Variants in DHX29 observed in about 807,000 individuals in gnomAD.
The protein encoded by DHX29 is ATP-dependent RNA helicase DHX29.
DHX29 carries 79 observed loss-of-function variants against 167.9 expected under a neutral mutation model. That is an observed-to-expected ratio of 0.47 (90% CI 0.39 to 0.57). The LOEUF is 0.57. Ranked by LOEUF, DHX29 falls within the 20% of genes least tolerant of loss-of-function variation. The pLI, the probability that DHX29 is intolerant of heterozygous loss-of-function variation, is 0.00. For synonymous variants in DHX29, 530 were observed against 546.0 expected (o/e 0.97, Z 0.41); for missense variants, 1,347 against 1,593.4 (o/e 0.85, Z 2.63).
chr5:55,256,599 G>T, intron 26 of DHX29, 59 bp from the exon 27 acceptor site: 2 of 1,498,728 alleles, frequency 1.3e-6, no homozygotes. Flanking sequence ...ATTTTCCAAG[G>T]TATGCACATG....
intron 8 of DHX29, among the ~76,000 whole-genome samples, chr5:55,287,326 G>A (rs1020422255): frequency 7.2e-5 from 11 of 151,798 alleles, no homozygotes; most frequent in South Asian, 2.1e-4. Context: ...CTGTAATCCC[G>A]GCTACTTGGG....
At chr5:55,304,514 G>A (rs1171271775) in intron 1 of DHX29, among the ~76,000 whole-genome samples, 1 of 151,332 alleles carries the variant, frequency 6.6e-6, no homozygotes, top group African/African-American at 2.4e-5. Context: ...GGGTTTCACC[G>A]TGGTCTCAAT....
intron 1 of DHX29, among the ~76,000 whole-genome samples, chr5:55,304,803 G>A (rs1227993971): frequency 1.3e-5 from 2 of 152,144 alleles, no homozygotes; most frequent in South Asian, 2.1e-4. Context: ...CAGCTGTGCC[G>A]TCAAATTGGA....
At chr5:55,306,660 C>T (rs1748880025) in intron 1 of DHX29, among the ~76,000 whole-genome samples, 1 of 152,172 alleles carries the variant, frequency 6.6e-6, no homozygotes, top group African/African-American at 2.4e-5. Flanking sequence ...CATATATACA[C>T]ATAAATGCTC....
rs200729647 is a variant in DHX29, at chr5:55,277,175, G to A, written c.2217C>T (p.Ser739=). The change falls in exon 13 of 27, where the codon AGC becomes AGT. Residue 739 remains serine (S), a synonymous_variant. Coordinates refer to ENST00000251636, the MANE Select transcript of DHX29 (RefSeq NM_019030.4). Reference sequence around the variant, plus strand: ...GTGTGAAATATGTAGAAAATTTTTCGCTGTCCACAGTGGCACTCATTAGAA... The same window carrying A: ...GTGTGAAATATGTAGAAAATTTTTCACTGTCCACAGTGGCACTCATTAGAA... ...HLILMSATVD[S]EKFSTYFTHC... is the part of the protein sequence containing the mutation. The A allele has an allele frequency of 1.5e-4, 247 of 1,612,206 alleles. No homozygotes were observed. The East Asian group carries it at 4.0e-3, about 26-fold the overall frequency.
chr5:55,262,517 T>C (rs1746357437), intron 24 of DHX29, 113 bp downstream of exon 24: 2 of 1,340,982 alleles, frequency 1.5e-6, no homozygotes, highest in African/African-American at 1.5e-5. Flanking sequence ...TTAACAAAAA[T>C]GAATAGCTCA....
chr5:55,283,509 A>G lies in DHX29; in HGVS notation c.1659T>C (p.Phe553=), dbSNP rs893766438. 4 of 1,614,062 alleles carry G rather than the reference A, an allele frequency of 2.5e-6. No homozygotes were observed. The African/African-American group carries it at 5.3e-5, about 22-fold the overall frequency. The part of the protein sequence containing the change: ...VEDLEPVRNL[F]RKLQSTPKYQ... ...ACTTAGGTGTGCTTTGCAACTTTCTAAAGAGGTTTCTAACAGGTTCCAAAT... is the reference window on the plus strand; with the variant it reads ...ACTTAGGTGTGCTTTGCAACTTTCTGAAGAGGTTTCTAACAGGTTCCAAAT... The change falls in exon 11 of 27, where the codon TTT becomes TTC. Residue 553 remains phenylalanine (F), a synonymous_variant. Coordinates refer to ENST00000251636, the MANE Select transcript of DHX29 (RefSeq NM_019030.4).
At position 55,274,966 on chromosome 5, in the gene DHX29, T is replaced by C. The variant is rs201572355; in HGVS notation, c.2472A>G (p.Pro824=). 6 of 1,613,892 alleles carry C rather than the reference T, an allele frequency of 3.7e-6. No homozygotes were observed. The East Asian group carries it at 1.3e-4, about 36-fold the overall frequency. ...VQTGAHADLN[P]FYQKYSSRTQ... ...TGCGGCTGCTGTACTTTTGGTAAAA[T>C]GGATTTAAATCAGCATGTGCTCCAG... The change falls in exon 15 of 27, where the codon CCA becomes CCG. Residue 824 remains proline (P), a synonymous_variant. Transcript: ENST00000251636.
chr5:55,257,929 C>G (rs759468456), intron 26 of DHX29, among the ~76,000 whole-genome samples: 3 of 152,174 alleles, frequency 2.0e-5, no homozygotes, highest in African/African-American at 7.2e-5. Flanking sequence ...AAAGAGCCCA[C>G]GTCTTAATAT....
chr5:55,304,781 G>A (rs1212342504), intron 1 of DHX29, among the ~76,000 whole-genome samples: 1 of 152,098 alleles, frequency 6.6e-6, no homozygotes, highest in Non-Finnish European at 1.5e-5. Flanking sequence ...TACGATAGAG[G>A]ACAATTTTGA....
At chr5:55,284,841 A>C (rs893369095) in intron 10 of DHX29, among the ~76,000 whole-genome samples, 3 of 152,174 alleles carry the variant, frequency 2.0e-5, no homozygotes, top group Non-Finnish European at 4.4e-5. Context: ...TCAGCCTGGG[A>C]AATATAGTGA....
At chr5:55,270,178 G>A (rs1451410304) in intron 20 of DHX29, among the ~76,000 whole-genome samples, 1 of 152,022 alleles carries the variant, frequency 6.6e-6, no homozygotes, top group Non-Finnish European at 1.5e-5. Context: ...AGTGCCCCCA[G>A]TTGAGAACTA....
At chr5:55,259,720 G>A (rs1244208324) in intron 26 of DHX29, 128 bp downstream of exon 26, 2 of 509,886 alleles carry the variant, frequency 3.9e-6, no homozygotes, top group Non-Finnish European at 7.3e-6. Context: ...CCTCCCAGAA[G>A]TGCTGGGATT....
At chr5:55,287,377 G>A (rs1157660410) in intron 8 of DHX29, among the ~76,000 whole-genome samples, 2 of 152,102 alleles carry the variant, frequency 1.3e-5, no homozygotes, top group South Asian at 2.1e-4. Context: ...GGAGGCTGAG[G>A]TTGCAGTGAG....
intron 3 of DHX29, 124 bp from the exon 4 acceptor site, chr5:55,296,473 T>C (rs1250127091): frequency 1.6e-6 from 2 of 1,244,962 alleles, no homozygotes; most frequent in Non-Finnish European, 2.1e-6. Context: ...TATCTTTTTT[T>C]TCCCAGTTAA....
chr5:55,297,462 A>C, intron 2 of DHX29, 64 bp from the exon 3 acceptor site: 1 of 748,266 alleles, frequency 1.3e-6, no homozygotes. Context: ...AAAGCCAATC[A>C]TACAGTTTTC....
In DHX29 at chr5:55,289,287, G is replaced by T; in HGVS notation, c.1049C>A (p.Ala350Asp). ...NFNLFEKSAA[A>D]TEEEKDKKKE... Reference sequence around the variant, plus strand: ...AATTTTACCTTTCTCTTCTTCAGTAGCAGCTGCAGATTTTTCAAATAAATT... The same window carrying T: ...AATTTTACCTTTCTCTTCTTCAGTATCAGCTGCAGATTTTTCAAATAAATT... The change falls in exon 8 of 27, where the codon GCT becomes GAT. Residue 350 changes from alanine to aspartate, a missense_variant. Ala to Asp is a moderately radical substitution (Grantham distance 126). Coordinates refer to ENST00000251636, the MANE Select transcript of DHX29 (RefSeq NM_019030.4). 1 of 1,569,678 alleles carries T rather than the reference G, an allele frequency of 6.4e-7. No individual in the cohort carries two copies. The highest frequency in any genetic ancestry group is 8.6e-7 in the Non-Finnish European group (1 of 1,164,658).
chr5:55,267,367 T>A, intron 22 of DHX29, 136 bp from the exon 23 acceptor site: 3 of 650,058 alleles, frequency 4.6e-6, no homozygotes, highest in Non-Finnish European at 7.8e-6. Flanking sequence ...TTGTAGCAGC[T>A]ACCAATTGTA....
intron 1 of DHX29, among the ~76,000 whole-genome samples, chr5:55,306,339 GAAT>G (rs1748859519): frequency 6.6e-6 from 1 of 152,026 alleles, no homozygotes; most frequent in Non-Finnish European, 1.5e-5. Flanking sequence ...CGCCCGCCTG[GAAT>G]ACTAATTTCT....
Sources: allele counts gnomAD v4.1 joint callset (sites outside exome capture counted in the v4.1 genomes callset), GRCh38; gene constraint gnomAD v4.1.1; transcripts MANE v1.5; gene names NCBI Gene and HGNC (gene_info 2026-07-23, HGNC 2026-07-21).